SPIN1: variants seen among roughly 807,000 people sequenced by gnomAD.
SPIN1 encodes spindlin 1, also known as spindlin-1.
SPIN1 carries 3 observed loss-of-function variants against 26.0 expected under a neutral mutation model. The observed-to-expected ratio is 0.12, with a 90% CI of 0.05 to 0.30. The LOEUF is 0.30. Ranked by LOEUF, SPIN1 falls within the 10% of genes least tolerant of loss-of-function variation. SPIN1 has a pLI of 1.00. For missense variants in SPIN1, 126 were observed against 333.4 expected (o/e 0.38, Z 4.84); for synonymous variants, 101 against 116.5 (o/e 0.87, Z 0.86).
At chr9:88,403,657 G>A (rs2117921015) in intron 1 of SPIN1, among the ~76,000 whole-genome samples, 1 of 152,276 alleles carries the variant, frequency 6.6e-6, no homozygotes, top group Middle Eastern at 3.4e-3. Flanking sequence ...GCTGCACTCA[G>A]GAACCCTGAT....
chr9:88,400,705 A>C (rs547328295), intron 1 of SPIN1, among the ~76,000 whole-genome samples: 79 of 152,240 alleles, frequency 5.2e-4, no homozygotes, highest in South Asian at 5.0e-3. Context: ...AATTAAGCGG[A>C]TATCATGGCC....
chr9:88,427,465 G>A (rs984918109), intron 2 of SPIN1, among the ~76,000 whole-genome samples: 2 of 152,122 alleles, frequency 1.3e-5, no homozygotes, highest in Admixed American at 1.3e-4. Context: ...GGTTGGTGAT[G>A]ACTGAAGTTT....
intron 2 of SPIN1, among the ~76,000 whole-genome samples, chr9:88,444,367 A>G (rs2118112692): frequency 1.3e-5 from 2 of 150,522 alleles, no homozygotes; most frequent in Admixed American, 1.3e-4. Context: ...CAGCCTCCCA[A>G]GTAGCTGGGA....
intron 2 of SPIN1, among the ~76,000 whole-genome samples, chr9:88,436,499 C>G (rs1174309891): frequency 6.6e-6 from 1 of 152,078 alleles, no homozygotes; most frequent in East Asian, 1.9e-4. Flanking sequence ...CCTTCTTTGA[C>G]ATGTCATTAT....
chr9:88,468,321 G>T, intron 4 of SPIN1, 51 bp from the exon 5 acceptor site: 1 of 1,345,788 alleles, frequency 7.4e-7, no homozygotes, highest in Admixed American at 2.7e-5. Context: ...TTCATAGTCG[G>T]TAATCAGCGA....
chr9:88,424,383 A>G (rs1396414581), intron 1 of SPIN1, among the ~76,000 whole-genome samples: 6 of 152,160 alleles, frequency 3.9e-5, no homozygotes, highest in Non-Finnish European at 7.3e-5. Context: ...TTTTTCATCC[A>G]TGTTTAACCA....
At chr9:88,467,856 A>C (rs1046376092) in intron 4 of SPIN1, among the ~76,000 whole-genome samples, 4 of 124,410 alleles carry the variant, frequency 3.2e-5, no homozygotes, top group African/African-American at 1.1e-4. Flanking sequence ...AAAAAAAAAA[A>C]ACAAAAAAAA....
intron 3 of SPIN1, among the ~76,000 whole-genome samples, chr9:88,450,233 A>G (rs1054258514): frequency 6.6e-6 from 1 of 152,228 alleles, no homozygotes; most frequent in African/African-American, 2.4e-5. Context: ...AAACATAACA[A>G]TAAAAACAAA....
intron 1 of SPIN1, among the ~76,000 whole-genome samples, chr9:88,412,115 C>T (rs1234255648): frequency 6.6e-5 from 10 of 151,914 alleles, no homozygotes. Context: ...GGAGGCGGAG[C>T]TTGCAGTGAG....
At chr9:88,412,517 G>C (rs1827471315) in intron 1 of SPIN1, among the ~76,000 whole-genome samples, 1 of 152,060 alleles carries the variant, frequency 6.6e-6, no homozygotes, top group Non-Finnish European at 1.5e-5. Context: ...GGGCAGAGGG[G>C]GTTGTGCCAT....
At chr9:88,446,428 C>T (rs146305545) in intron 2 of SPIN1, among the ~76,000 whole-genome samples, 2,865 of 130,908 alleles carry the variant, frequency 0.022, 98 homozygotes, top group African/African-American at 0.084. Context: ...TTTTTTTTGA[C>T]GGAGGTTTGC....
chr9:88,429,980 C>T lies in SPIN1; in HGVS notation c.52+3389C>T, dbSNP rs542651757. On this transcript the variant is annotated intron_variant, in intron 2 of 5. Coordinates refer to ENST00000375859, the MANE Select transcript of SPIN1 (RefSeq NM_006717.3). ...TTTCACAGTATTACAGAAGTATAGCCTATTTTGGAAAGATTGCTGACCCCA... is the reference window on the plus strand; with the variant it reads ...TTTCACAGTATTACAGAAGTATAGCTTATTTTGGAAAGATTGCTGACCCCA... Among the ~76,000 whole-genome samples the T allele has an allele frequency of 9.2e-5, 14 of 152,262 alleles. No individual in the cohort carries two copies. The South Asian group carries it at 2.7e-3, about 29-fold the overall frequency.
chr9:88,399,303 A>G (rs943216538), intron 1 of SPIN1, among the ~76,000 whole-genome samples: 2 of 152,134 alleles, frequency 1.3e-5, no homozygotes, highest in African/African-American at 4.8e-5. Flanking sequence ...AAGTGCTGGG[A>G]TTACAGGCGT....
intron 1 of SPIN1, among the ~76,000 whole-genome samples, chr9:88,403,891 A>G (rs1827240638): frequency 6.6e-6 from 1 of 152,110 alleles, no homozygotes; most frequent in South Asian, 2.1e-4. Flanking sequence ...TTTTTCCAGC[A>G]TGTGTTGCTT....
At chr9:88,457,208 C>T (rs1475271486) in intron 3 of SPIN1, among the ~76,000 whole-genome samples, 2 of 152,186 alleles carry the variant, frequency 1.3e-5, no homozygotes, top group East Asian at 3.9e-4. Flanking sequence ...TAATTAAAAA[C>T]ACATGTCACA....
At chr9:88,397,777 A>G (rs1827098091) in intron 1 of SPIN1, among the ~76,000 whole-genome samples, 1 of 151,956 alleles carries the variant, frequency 6.6e-6, no homozygotes, top group Admixed American at 6.6e-5. Flanking sequence ...GCGTGCCACC[A>G]TGCCTGGCTA....
chr9:88,412,971 C>T (rs776518938), intron 1 of SPIN1, among the ~76,000 whole-genome samples: 6 of 151,298 alleles, frequency 4.0e-5, no homozygotes, highest in South Asian at 2.1e-4. Context: ...CGTGAGCCAC[C>T]GCGCCTGGCC....
chr9:88,442,742 T>C (rs1828162656), intron 2 of SPIN1, among the ~76,000 whole-genome samples: 1 of 152,026 alleles, frequency 6.6e-6, no homozygotes, highest in Non-Finnish European at 1.5e-5. Flanking sequence ...TACTCTTTGG[T>C]GTAGTTTTTT....
chr9:88,470,354 ATGG>A (rs1322879833), intron 5 of SPIN1, among the ~76,000 whole-genome samples: 5 of 152,146 alleles, frequency 3.3e-5, no homozygotes, highest in Non-Finnish European at 5.9e-5. Flanking sequence ...CTGGGTCATA[ATGG>A]TAACTCTATG....
Sources: gnomAD v4.1 joint callset for allele counts (sites outside exome capture counted in the v4.1 genomes callset) on GRCh38, gnomAD v4.1.1 for gene constraint, MANE v1.5 for transcripts, NCBI Gene and HGNC (gene_info 2026-07-23, HGNC 2026-07-21) for gene names.